CYRIB: variants seen among roughly 807,000 people sequenced by gnomAD.
CYRIB encodes CYFIP related Rac1 interactor B.
CYRIB carries 8 observed loss-of-function variants against 44.2 expected under a neutral mutation model. The ratio of observed to expected loss-of-function variants is 0.18; its 90% CI spans 0.11 to 0.33. The LOEUF is 0.33. Among genes scored for constraint, CYRIB ranks in the 10% least tolerant of loss-of-function variants. The pLI is 1.00. For missense variants in CYRIB, 185 were observed against 382.8 expected (o/e 0.48, Z 4.31); for synonymous variants, 131 against 127.2 (o/e 1.03, Z -0.20).
intron 3 of CYRIB, among the ~76,000 whole-genome samples, chr8:129,877,485 C>G (rs2059459287): frequency 6.6e-6 from 1 of 151,734 alleles, no homozygotes. Context: ...CCATCTCTAC[C>G]AAAAATATGA....
chr8:129,866,129 G>C (rs561786909), intron 4 of CYRIB, among the ~76,000 whole-genome samples: 2 of 152,242 alleles, frequency 1.3e-5, no homozygotes, highest in South Asian at 4.1e-4. Flanking sequence ...TATGTGTTGT[G>C]TGCAGTTATT....
At chr8:129,922,276 C>G (rs529416951) in intron 1 of CYRIB, among the ~76,000 whole-genome samples, 8 of 152,210 alleles carry the variant, frequency 5.3e-5, no homozygotes, top group African/African-American at 1.9e-4. Flanking sequence ...ACCAAGGACC[C>G]GTTAATGAAT....
intron 5 of CYRIB, among the ~76,000 whole-genome samples, chr8:129,859,968 G>A (rs1338077413): frequency 6.6e-6 from 1 of 152,164 alleles, no homozygotes; most frequent in African/African-American, 2.4e-5. Flanking sequence ...TTCAAATTAA[G>A]CAGGTAATCC....
chr8:129,955,502 C>G (rs2094769242), intron 2 of CYRIB, among the ~76,000 whole-genome samples: 1 of 152,160 alleles, frequency 6.6e-6, no homozygotes, highest in Non-Finnish European at 1.5e-5. Flanking sequence ...CATCAGAAAT[C>G]TCTACAGACG....
intron 1 of CYRIB, among the ~76,000 whole-genome samples, chr8:129,985,252 A>T (rs2096410550): frequency 6.6e-6 from 1 of 152,214 alleles, no homozygotes; most frequent in South Asian, 2.1e-4. Context: ...CATCCAGCGG[A>T]TGGGATGGGC....
intron 1 of CYRIB, among the ~76,000 whole-genome samples, chr8:129,988,253 C>T (rs1246382899): frequency 6.6e-6 from 1 of 152,176 alleles, no homozygotes; most frequent in Non-Finnish European, 1.5e-5. Flanking sequence ...AGGTGTCTTC[C>T]GGCCGGCTCT....
intron 1 of CYRIB, among the ~76,000 whole-genome samples, chr8:129,981,063 G>A (rs1283407094): frequency 6.6e-6 from 1 of 151,986 alleles, no homozygotes; most frequent in Non-Finnish European, 1.5e-5. Flanking sequence ...GAGGAGGAAG[G>A]AAACGAACTA....
chr8:129,878,259 G>C (rs1197219385), intron 3 of CYRIB, among the ~76,000 whole-genome samples: 1 of 152,072 alleles, frequency 6.6e-6, no homozygotes, highest in Non-Finnish European at 1.5e-5. Flanking sequence ...AATAAAAGTA[G>C]AAAATAACCA....
intron 1 of CYRIB, among the ~76,000 whole-genome samples, chr8:130,009,269 C>CT (rs113080038): frequency 0.13 from 17,984 of 142,996 alleles, 1,609 homozygotes; most frequent in African/African-American, 0.26. Context: ...TCAAAAGCAT[C>CT]TTTTTTTTTT....
At chr8:129,849,035 A>G (rs2131372222) in intron 10 of CYRIB, among the ~76,000 whole-genome samples, 2 of 152,326 alleles carry the variant, frequency 1.3e-5, no homozygotes, top group Middle Eastern at 6.8e-3. Context: ...ACTAGACAAT[A>G]TAGTCATCCT....
At chr8:130,013,932 C>G (rs796705147) in intron 1 of CYRIB, among the ~76,000 whole-genome samples, 13 of 152,326 alleles carry the variant, frequency 8.5e-5, no homozygotes, top group African/African-American at 3.1e-4. Flanking sequence ...GGCCAGGCAG[C>G]AGGTCAGGTG....
At chr8:129,883,525 G>A (rs2061582492) in intron 2 of CYRIB, among the ~76,000 whole-genome samples, 1 of 151,976 alleles carries the variant, frequency 6.6e-6, no homozygotes, top group Non-Finnish European at 1.5e-5. Flanking sequence ...TAACATTATC[G>A]GTTCTCCTAT....
At chr8:129,986,875 G>GCACT (rs972321825) in intron 1 of CYRIB, among the ~76,000 whole-genome samples, 2 of 152,130 alleles carry the variant, frequency 1.3e-5, no homozygotes, top group African/African-American at 4.8e-5. Context: ...TCTGGTAATG[G>GCACT]CACTGTCTTC....
intron 4 of CYRIB, among the ~76,000 whole-genome samples, chr8:129,867,082 A>C (rs1318912086): frequency 6.6e-6 from 1 of 152,220 alleles, no homozygotes; most frequent in East Asian, 1.9e-4. Flanking sequence ...TGAGGCCAGG[A>C]GTTCAAGACC....
At chr8:129,894,576 G>C (rs1166152891) in intron 2 of CYRIB, 1 of 152,250 alleles carries the variant, frequency 6.6e-6, no homozygotes, top group Admixed American at 6.5e-5. Context: ...TGGAGGGTGA[G>C]AAGACAGGAG....
intron 1 of CYRIB, among the ~76,000 whole-genome samples, chr8:129,972,549 T>G (rs1448786873): frequency 6.6e-6 from 1 of 152,116 alleles, no homozygotes; most frequent in Admixed American, 6.6e-5. Flanking sequence ...TGCTCCAGCC[T>G]GGGTGACAGA....
chr8:129,903,378 A>G (rs532929980), intron 1 of CYRIB, 28 bp from the exon 4 acceptor site: 1 of 152,802 alleles, frequency 6.5e-6, no homozygotes, highest in African/African-American at 2.4e-5. Context: ...AAAAGGAAGA[A>G]AGTCTAAAAC....
intron 3 of CYRIB, among the ~76,000 whole-genome samples, chr8:129,878,855 ATTTT>A (rs143814179): frequency 6.6e-6 from 1 of 152,082 alleles, no homozygotes. Context: ...AATACATTCT[ATTTT>A]TTTAACTTTT....
intron 4 of CYRIB, among the ~76,000 whole-genome samples, chr8:129,870,597 ATGCCCCAAAGAG>A (rs2056760318): frequency 6.6e-6 from 1 of 152,192 alleles, no homozygotes; most frequent in East Asian, 1.9e-4. Context: ...TATGGAATGT[ATGCCCCAAAGAG>A]TGACCCTGAT....
Sources: allele counts gnomAD v4.1 joint callset (sites outside exome capture counted in the v4.1 genomes callset), GRCh38; gene constraint gnomAD v4.1.1; transcripts MANE v1.5; gene names NCBI Gene and HGNC (gene_info 2026-07-23, HGNC 2026-07-21).